Variants in HACE1 observed in about 807,000 individuals in gnomAD.
HACE1 encodes the protein HECT domain and ankyrin repeat containing E3 ubiquitin protein ligase 1, also known as E3 ubiquitin-protein ligase HACE1.
Under a neutral mutation model 118.4 loss-of-function variants are expected in HACE1, and 73 were observed. The ratio of observed to expected loss-of-function variants is 0.62; its 90% CI spans 0.51 to 0.75. The LOEUF (loss-of-function observed/expected upper bound fraction) is 0.75, where lower values mean the gene tolerates loss of function less well. Among genes scored for constraint, HACE1 ranks in the 30% least tolerant of loss-of-function variants. The pLI is 0.00. For missense variants in HACE1, 749 were observed against 1,102.2 expected, an observed-to-expected ratio of 0.68 and a Z score of 4.54; for synonymous variants, 368 against 374.8, an observed-to-expected ratio of 0.98 and a Z score of 0.21.
rs1370078021 is a variant in HACE1 at position 104,729,567 on chromosome 6, G to T, written c.*95C>A. ...TTGGAAGCATCAGCCCTGCCTATGG[G>T]TTGCATTTAGGCTGCTTTTTTGTTG... On this transcript the variant is annotated 3_prime_UTR_variant, in exon 24 of 24. Coordinates refer to ENST00000262903, the MANE Select transcript of HACE1 (RefSeq NM_020771.4). The T allele has an allele frequency of 1.3e-6, 1 of 761,430 alleles. No individual in the cohort carries two copies. The highest frequency in any genetic ancestry group is 2.4e-6 in the Non-Finnish European group (1 of 413,050). 47.2% of individuals were successfully genotyped at this position (761,430 alleles called of 1,614,324 possible). A position where few individuals can be genotyped will look rare whatever the true frequency, so the allele number is the denominator to read the frequency against.
At chr6:104,818,155 T>TA (rs1232375104) in intron 6 of HACE1, among the ~76,000 whole-genome samples, 3 of 152,186 alleles carry the variant, frequency 2.0e-5, no homozygotes, top group African/African-American at 7.2e-5. Flanking sequence ...CACTGTTATA[T>TA]AAAACTATAT....
chr6:104,805,012 GA>G (rs1770833737), intron 7 of HACE1, among the ~76,000 whole-genome samples: 1 of 151,954 alleles, frequency 6.6e-6, no homozygotes. Context: ...AAATTTACAA[GA>G]AAAAACAAAC....
At position 104,785,091 on chromosome 6, in the gene HACE1, G is replaced by GAC; in HGVS notation, c.1302_1303insGT (p.Gln435ValfsTer14). The GAC allele has an allele frequency of 6.2e-7, 1 of 1,613,690 alleles. No homozygotes were observed. Among genetic ancestry groups the GAC allele is most frequent in the Non-Finnish European group, 8.5e-7 (1 of 1,179,692 alleles). ...TCCTGACAATCTGCACTGGCTTCCTGTCTCCCTGCAAGAGCATCTGGTTTA... is the reference window on the plus strand; with the variant it reads ...TCCTGACAATCTGCACTGGCTTCCTGACTCTCCCTGCAAGAGCATCTGGTTTA... On this transcript the variant is annotated frameshift_variant, in exon 12 of 24. Transcript: ENST00000262903. LOFTEE classifies it high-confidence loss of function.
intron 7 of HACE1, among the ~76,000 whole-genome samples, chr6:104,808,623 T>A (rs573982604): frequency 2.4e-4 from 37 of 152,294 alleles, no homozygotes; most frequent in Non-Finnish European, 4.0e-4. Flanking sequence ...ATATATTATA[T>A]CTAGTAATAC....
chr6:104,741,355 AGAG>A (rs1249388854), intron 22 of HACE1, among the ~76,000 whole-genome samples: 3 of 150,288 alleles, frequency 2.0e-5, no homozygotes, highest in Non-Finnish European at 4.4e-5. Flanking sequence ...AATTAGGAAA[AGAG>A]GAAGTCAAAT....
intron 6 of HACE1, among the ~76,000 whole-genome samples, chr6:104,823,567 T>C (rs1773008665): frequency 6.6e-6 from 1 of 152,068 alleles, no homozygotes; most frequent in South Asian, 2.1e-4. Flanking sequence ...AAGAAACATA[T>C]TTTTAAAGTT....
chr6:104,809,759 T>C (rs1771400176), intron 7 of HACE1, among the ~76,000 whole-genome samples: 1 of 151,462 alleles, frequency 6.6e-6, no homozygotes, highest in Non-Finnish European at 1.5e-5. Flanking sequence ...TGCAGTACTC[T>C]AGGCAAAAGG....
chr6:104,796,923 A>G lies in HACE1; in HGVS notation c.714+6T>C. ...AAGGGGCTCAGAATATAAATGAAAA[A>G]CACACCTGTACACATAAATCCAGAG... On this transcript the variant is annotated splice_donor_region_variant and intron_variant, in intron 8 of 23. Coordinates refer to ENST00000262903, the MANE Select transcript of HACE1 (RefSeq NM_020771.4). The G allele has an allele frequency of 2.0e-6, 3 of 1,480,434 alleles. No homozygotes were observed. Among genetic ancestry groups the G allele is most frequent in the Non-Finnish European group, 2.8e-6 (3 of 1,058,338 alleles). The allele number at this position is 1,480,434 out of a possible 1,614,324, so 91.7% of individuals were successfully genotyped here. A position where few individuals can be genotyped will look rare whatever the true frequency, so the allele number is the denominator to read the frequency against.
chr6:104,746,048 G>A (rs546583806), intron 20 of HACE1, among the ~76,000 whole-genome samples: 23 of 152,102 alleles, frequency 1.5e-4, no homozygotes, highest in Non-Finnish European at 7.4e-5. Context: ...AAAGAAATTT[G>A]CAAAACTGTT....
chr6:104,746,083 TTC>T (rs1220476423), intron 20 of HACE1, among the ~76,000 whole-genome samples: 3 of 152,224 alleles, frequency 2.0e-5, no homozygotes, highest in Non-Finnish European at 4.4e-5. Context: ...TTCCCACTGT[TTC>T]TGTTTTGTTC....
At position 104,833,120 on chromosome 6, in the gene HACE1, C is replaced by A; in HGVS notation, c.456G>T (p.Gln152His). ...GRTELLHDLV[Q>H]HVSDVDVEDA... is the part of the protein sequence containing the mutation. The stretch of plus-strand genomic sequence containing the variant: ...CCTCAACATCAACATCACTGACATG[C>A]TGCACAAGGTCATGGAGTAGTTCTG... The change falls in exon 6 of 24, where the codon CAG (glutamine) becomes CAT (histidine). Residue 152 changes from glutamine (Q) to histidine (H), a missense_variant. Gln to His is a conservative substitution (Grantham distance 24). Transcript: ENST00000262903. The A allele has an allele frequency of 6.2e-7, 1 of 1,613,290 alleles. No homozygotes were observed. The highest frequency in any genetic ancestry group is 8.5e-7 in the Non-Finnish European group (1 of 1,179,224).
intron 19 of HACE1, among the ~76,000 whole-genome samples, chr6:104,751,338 C>T (rs1204199256): frequency 6.6e-6 from 1 of 152,240 alleles, no homozygotes; most frequent in Non-Finnish European, 1.5e-5. Context: ...TCACTTAACA[C>T]ATACTTAGAA....
intron 3 of HACE1, among the ~76,000 whole-genome samples, chr6:104,849,545 G>C (rs1007643565): frequency 1.5e-5 from 2 of 137,190 alleles, no homozygotes; most frequent in Non-Finnish European, 3.1e-5. Context: ...ACCTCATTAT[G>C]TTGCCCAGGC....
intron 5 of HACE1, among the ~76,000 whole-genome samples, chr6:104,834,491 AT>A (rs1774331001): frequency 6.6e-6 from 1 of 152,204 alleles, no homozygotes; most frequent in Admixed American, 6.5e-5. Context: ...AATTTTTCAC[AT>A]GATTTTTTTT....
At chr6:104,800,871 C>T (rs566020601) in intron 7 of HACE1, among the ~76,000 whole-genome samples, 22 of 152,232 alleles carry the variant, frequency 1.4e-4, no homozygotes, top group South Asian at 2.1e-4. Context: ...ATGACTTTGA[C>T]GAGTTCACAG....
chr6:104,844,345 T>C (rs1238416468), intron 4 of HACE1, among the ~76,000 whole-genome samples: 1 of 98,932 alleles, frequency 1.0e-5, no homozygotes, highest in Non-Finnish European at 2.1e-5. Flanking sequence ...ATCATAAACA[T>C]TTTTTTTTTT....
chr6:104,822,549 T>A (rs556372206), intron 6 of HACE1, among the ~76,000 whole-genome samples: 1 of 151,430 alleles, frequency 6.6e-6, no homozygotes, highest in African/African-American at 2.4e-5. Context: ...TGAAACCCTG[T>A]CTCTAAATAA....
At chr6:104,811,247 C>CATATATATATATATATATATATAT (rs3995559) in intron 7 of HACE1, 64 bp downstream of exon 7, 4 of 208,482 alleles carry the variant, frequency 1.9e-5, no homozygotes, top group Non-Finnish European at 3.5e-5. Flanking sequence ...TTTATTTATA[C>CATATATATATATATATATATATAT]ATATATATAT....
At chr6:104,739,652 C>A (rs1776394374) in intron 22 of HACE1, among the ~76,000 whole-genome samples, 1 of 151,886 alleles carries the variant, frequency 6.6e-6, no homozygotes, top group Non-Finnish European at 1.5e-5. Flanking sequence ...TACAGGAACA[C>A]CAAGATTCAT....
Sources: allele counts gnomAD v4.1 joint callset (sites outside exome capture counted in the v4.1 genomes callset), GRCh38; gene constraint gnomAD v4.1.1; transcripts MANE v1.5; gene names NCBI Gene and HGNC (gene_info 2026-07-23, HGNC 2026-07-21).